Variants in ASMTL observed in about 807,000 individuals in gnomAD.
The protein encoded by ASMTL is acetylserotonin O-methyltransferase like.
In ASMTL, 57 loss-of-function variants were observed where a neutral mutation model predicts 60.3. The observed-to-expected ratio is 0.95, with a 90% CI of 0.76 to 1.18. The LOEUF (loss-of-function observed/expected upper bound fraction) is 1.18, where lower values mean the gene tolerates loss of function less well. ASMTL is among the 50% of genes most tolerant of loss of function. ASMTL has a pLI of 0.00. For missense variants in ASMTL, 981 were observed against 852.6 expected (o/e 1.15, Z -1.88); for synonymous variants, 419 against 373.0 (o/e 1.12, Z -1.42).
intron 11 of ASMTL, chrX:1,413,716 C>G (rs1194015436): frequency 8.5e-5 from 13 of 152,292 alleles, no homozygotes; most frequent in Non-Finnish European, 2.9e-5. Context: ...TGAGATCATC[C>G]TGGAGTAGGG....
At chrX:1,412,987 T>C in intron 11 of ASMTL, 133 bp from the exon 12 acceptor site, 1 of 958,358 alleles carries the variant, frequency 1.0e-6, no homozygotes, top group South Asian at 1.4e-5. Context: ...GAATGGGTCT[T>C]CCTGAAGTAC....
chrX:1,435,729 C>A lies in ASMTL; in HGVS notation c.303G>T (p.Pro101=), dbSNP rs375106432. The change falls in exon 4 of 13, where the codon CCG becomes CCT. Residue 101 remains proline (P), a synonymous_variant. Transcript: ENST00000381317. ...TCCTGTAGGCGTCCTGCTTGTCCAC[C>A]GGCTTCTCCAGAATCAGCCCCCCGA... ...VTVGGLILEK[P]VDKQDAYRML... The A allele has an allele frequency of 1.2e-6, 2 of 1,613,592 alleles. No homozygotes were observed. Among genetic ancestry groups the A allele is most frequent in the Admixed American group, 1.7e-5 (1 of 59,980 alleles).
intron 1 of ASMTL, among the ~76,000 whole-genome samples, chrX:1,450,404 G>A (rs1305256230): frequency 6.6e-6 from 1 of 151,660 alleles, no homozygotes; most frequent in East Asian, 1.9e-4. Flanking sequence ...CCAATCCCTA[G>A]GGGTCCCAGG....
intron 12 of ASMTL, among the ~76,000 whole-genome samples, chrX:1,411,755 T>G (rs187473742): frequency 1.3e-5 from 2 of 150,724 alleles, no homozygotes; most frequent in East Asian, 3.9e-4. Context: ...ACTTTTATCA[T>G]GAGCCACTTC....
chrX:1,417,020 C>T (rs1324138575), intron 11 of ASMTL, among the ~76,000 whole-genome samples: 1 of 24,348 alleles, frequency 4.1e-5, no homozygotes, highest in Non-Finnish European at 4.4e-4. Context: ...GACTCAGAAA[C>T]ACACAGAGAC....
chrX:1,433,382 G>A (rs2090862540), intron 5 of ASMTL, among the ~76,000 whole-genome samples: 2 of 150,896 alleles, frequency 1.3e-5, no homozygotes, highest in Admixed American at 6.6e-5. Context: ...AGACCCAGAA[G>A]GGACCGCGCG....
At chrX:1,415,323 C>T (rs7472319) in intron 11 of ASMTL, among the ~76,000 whole-genome samples, 133,333 of 151,980 alleles carry the variant, frequency 0.88, 60,807 homozygotes, top group East Asian at 1. Flanking sequence ...CAGTTCCTTC[C>T]GTGACCTCGG....
intron 6 of ASMTL, among the ~76,000 whole-genome samples, chrX:1,431,098 T>C (rs190732668): frequency 0.094 from 11,803 of 126,144 alleles, 671 homozygotes; most frequent in Admixed American, 0.14. Flanking sequence ...ATTATATAAA[T>C]ATATAATTAT....
chrX:1,410,602 C>CG (rs1445685064), intron 12 of ASMTL, among the ~76,000 whole-genome samples: 5 of 151,940 alleles, frequency 3.3e-5, no homozygotes, highest in African/African-American at 9.7e-5. Context: ...TTAGTAGAGG[C>CG]GGGGTTTCAC....
At chrX:1,435,605 C>T (rs2090941451) in intron 4 of ASMTL, 89 bp downstream of exon 4, 1 of 1,279,386 alleles carries the variant, frequency 7.8e-7, no homozygotes, top group Non-Finnish European at 1.1e-6. Context: ...GACAGAGATC[C>T]ACCCTGCTCC....
intron 9 of ASMTL, among the ~76,000 whole-genome samples, chrX:1,420,182 CCTCT>C (rs1381817268): frequency 2.0e-5 from 3 of 151,676 alleles, no homozygotes; most frequent in African/African-American, 2.4e-5. Context: ...TCTCCGCCTC[CCTCT>C]GTCTCTCAAG....
Position 1,437,078 on chromosome X carries a change from A to G in ASMTL, c.274-1320T>C, listed in dbSNP as rs1369530102. Reference sequence around the variant, plus strand: ...TGTCCTCATCTCCTCTTCTTATGAGATGCTTTAGTCCATCTCAGGCTGCTG... The same window carrying G: ...TGTCCTCATCTCCTCTTCTTATGAGGTGCTTTAGTCCATCTCAGGCTGCTG... On this transcript the variant is annotated intron_variant, in intron 3 of 12. Transcript: ENST00000381317. 4.9e-5 allele frequency among the ~76,000 whole-genome samples: 7 copies of G among 143,094 alleles called. No homozygotes were observed. The Admixed American group carries it at 5.2e-4, about 11-fold the overall frequency. 93.9% of individuals were successfully genotyped at this position (143,094 alleles called of 152,430 possible).
chrX:1,435,515 T>A (rs2090937540), intron 4 of ASMTL, 179 bp downstream of exon 4: 1 of 664,436 alleles, frequency 1.5e-6, no homozygotes, highest in Admixed American at 2.3e-5. Context: ...TAGACAAGGA[T>A]GAGCATGGAG....
At chrX:1,422,468 G>T (rs2090507988) in intron 8 of ASMTL, among the ~76,000 whole-genome samples, 1 of 152,050 alleles carries the variant, frequency 6.6e-6, no homozygotes, top group African/African-American at 2.4e-5. Flanking sequence ...TATCCTAGGG[G>T]TTCTGTTACC....
At chrX:1,452,197 TC>T in intron 1 of ASMTL, among the ~76,000 whole-genome samples, 1 of 115,958 alleles carries the variant, frequency 8.6e-6, no homozygotes, top group Non-Finnish European at 1.7e-5. Flanking sequence ...CGGCTTACTC[TC>T]CCCATCCCCA....
intron 9 of ASMTL, among the ~76,000 whole-genome samples, chrX:1,421,304 G>A: frequency 6.6e-6 from 1 of 152,158 alleles, no homozygotes; most frequent in East Asian, 1.9e-4. Context: ...GTCTCACTAT[G>A]TTGCCCAGGC....
At chrX:1,432,417 C>G in intron 5 of ASMTL, 40 bp from the exon 6 acceptor site, 1 of 1,512,422 alleles carries the variant, frequency 6.6e-7, no homozygotes, top group Non-Finnish European at 9.1e-7. Flanking sequence ...TGGACGCCAG[C>G]TTGTCACCTC....
chrX:1,412,351 T>C (rs147748280), intron 12 of ASMTL, among the ~76,000 whole-genome samples: 3,160 of 152,068 alleles, frequency 0.021, 60 homozygotes, highest in Non-Finnish European at 0.034. Flanking sequence ...CCTCAGCCTC[T>C]GAAGTACCTG....
At chrX:1,426,467 G>A (rs1391097806) in intron 7 of ASMTL, among the ~76,000 whole-genome samples, 2 of 152,050 alleles carry the variant, frequency 1.3e-5, no homozygotes, top group Admixed American at 6.5e-5. Context: ...TCTGCTTCCC[G>A]GAGGACGCCC....
Sources: gnomAD v4.1 joint callset for allele counts (sites outside exome capture counted in the v4.1 genomes callset) on GRCh38, gnomAD v4.1.1 for gene constraint, MANE v1.5 for transcripts, NCBI Gene and HGNC (gene_info 2026-07-23, HGNC 2026-07-21) for gene names.